Variants in MYH4 observed in about 807,000 individuals in gnomAD.
MYH4 encodes the protein myosin-4.
In MYH4, 200 loss-of-function variants were observed where a neutral mutation model predicts 229.9. That is an observed-to-expected ratio of 0.87 (90% CI 0.78 to 0.98). MYH4 has a LOEUF of 0.98. MYH4 is among the 50% of genes least tolerant of loss of function. The probability of loss-of-function intolerance (pLI) is 0.00; values close to 1 mark genes in which losing one functional copy is unlikely to be tolerated. For missense variants in MYH4, 2,148 were observed against 2,332.6 expected (o/e 0.92, Z 1.63); for synonymous variants, 761 against 834.6 (o/e 0.91, Z 1.52).
Position 10,450,802 on chromosome 17 carries a change from T to G in MYH4, c.3959A>C (p.Lys1320Thr). The G allele has an allele frequency of 6.2e-7, 1 of 1,614,070 alleles. No individual in the cohort carries two copies. The highest frequency in any genetic ancestry group is 8.5e-7 in the Non-Finnish European group (1 of 1,179,912). Residue 1320 changes from lysine (K) to threonine (T), a missense_variant, in exon 29 of 40, where the codon AAG becomes ACG. Coordinates refer to ENST00000255381, the MANE Select transcript of MYH4 (RefSeq NM_017533.2). ...QAFTQQIEEL[K>T]RQLEEETKAK... Reference sequence around the variant, plus strand: ...CTTAGTCTCCTCTTCTAGCTGCCTCTTTAATTCTTCAATCTGTTGTGTAAA... The same window carrying G: ...CTTAGTCTCCTCTTCTAGCTGCCTCGTTAATTCTTCAATCTGTTGTGTAAA...
intron 23 of MYH4, 120 bp downstream of exon 23, chr17:10,453,523 G>T (rs2072601751): frequency 1.9e-6 from 3 of 1,569,190 alleles, no homozygotes; most frequent in African/African-American, 2.8e-5. Context: ...AGACTAAAGA[G>T]ATGAAATAGT....
rs577534095 is a variant in MYH4, at chr17:10,457,484, C to A, written c.1833G>T (p.Leu611=). ...GAGTCTTCATTGCAGACTTCTGGTA[C>A]AGCCCCACCACAGTCTCATTCAGGG... ...KDPLNETVVG[L]YQKSAMKTLA... The change falls in exon 16 of 40, where the codon CTG becomes CTT. Residue 611 remains leucine, a synonymous_variant. Coordinates refer to ENST00000255381, the MANE Select transcript of MYH4 (RefSeq NM_017533.2). 9.9e-6 allele frequency: 16 copies of A among 1,614,144 alleles called. No individual in the cohort carries two copies. Among genetic ancestry groups the A allele is most frequent in the Middle Eastern group, 1.6e-4 (1 of 6,062 alleles).
chr17:10,443,535 C>T lies in MYH4; in HGVS notation c.5668-8G>A. 1 of 1,606,118 alleles carries T rather than the reference C, an allele frequency of 6.2e-7. No homozygotes were observed. Among genetic ancestry groups the T allele is most frequent in the Non-Finnish European group, 8.5e-7 (1 of 1,175,468 alleles). On this transcript the variant is annotated splice_region_variant and splice_polypyrimidine_tract_variant and intron_variant, in intron 39 of 39. Coordinates refer to ENST00000255381, the MANE Select transcript of MYH4 (RefSeq NM_017533.2). This position sits in a 1 kb window ranked among gnomAD's most constrained non-coding sequence, Gnocchi z 4.6. ...GACATTGGATTGTTCCTCCTGAGAA[C>T]AGAGATGCATTTGAGATAACAAGAA...
At chr17:10,463,293 C>T in intron 9 of MYH4, 45 bp downstream of exon 9, 2 of 1,554,408 alleles carry the variant, frequency 1.3e-6, no homozygotes, top group East Asian at 2.2e-5. Flanking sequence ...CTAATATGTA[C>T]CCACAAAGAA....
At position 10,448,916 on chromosome 17, in the gene MYH4, C is replaced by T. The variant is rs139449510; in HGVS notation, c.4313G>A (p.Arg1438Gln). Residue 1438 changes from arginine (R) to glutamine (Q), a missense_variant, in exon 31 of 40, where the codon CGA becomes CAA. By Grantham distance (43) the Arg-to-Gln change is conservative (BLOSUM62 1). Coordinates refer to ENST00000255381, the MANE Select transcript of MYH4 (RefSeq NM_017533.2). Reference sequence around the variant, plus strand: ...GAGAGCTATGCAGGCAGCATTAGATCGTTCCACATCAATCATGAGGTCCTC... The same window carrying T: ...GAGAGCTATGCAGGCAGCATTAGATTGTTCCACATCAATCATGAGGTCCTC... ...EVEDLMIDVERSNAACIALDK... is the reference protein window; with the variant it reads ...EVEDLMIDVEQSNAACIALDK... 3.2e-5 allele frequency: 52 copies of T among 1,614,154 alleles called. No individual in the cohort carries two copies. Among genetic ancestry groups the T allele is most frequent in the African/African-American group, 2.7e-4 (20 of 75,064 alleles).
rs1348321846 is a variant in MYH4, at chr17:10,457,461, G to A, written c.1856C>T (p.Thr619Ile). Residue 619 changes from threonine to isoleucine, a missense_variant, in exon 16 of 40, where the codon ACT becomes ATT. Thr to Ile is a moderately conservative substitution (Grantham distance 89). Transcript: ENST00000255381. The stretch of plus-strand genomic sequence containing the variant: ...TGCCCCAGAGAAGAGGAAAGCCAGA[G>A]TCTTCATTGCAGACTTCTGGTACAG... ...VGLYQKSAMKTLAFLFSGAQT... is the reference protein window; with the variant it reads ...VGLYQKSAMKILAFLFSGAQT... 1 of 1,612,684 alleles carries A rather than the reference G, an allele frequency of 6.2e-7. No individual in the cohort carries two copies. Among genetic ancestry groups the A allele is most frequent in the Non-Finnish European group, 8.5e-7 (1 of 1,178,964 alleles).
At chr17:10,457,363 G>T in intron 16 of MYH4, 57 bp downstream of exon 16, 1 of 1,517,248 alleles carries the variant, frequency 6.6e-7, no homozygotes, top group South Asian at 1.3e-5. Flanking sequence ...TGTCTCTGTT[G>T]AACAGTGTAT....
chr17:10,458,093 T>G (rs1279880974), intron 15 of MYH4, among the ~76,000 whole-genome samples: 1 of 152,154 alleles, frequency 6.6e-6, no homozygotes, highest in Non-Finnish European at 1.5e-5. Flanking sequence ...GTGACAGAAG[T>G]ATGAAGGGAA....
At chr17:10,461,637 G>A (rs1235841783) in intron 11 of MYH4, among the ~76,000 whole-genome samples, 1 of 152,118 alleles carries the variant, frequency 6.6e-6, no homozygotes, top group African/African-American at 2.4e-5. Context: ...CGAGATGCCT[G>A]GGGTAGCAAA....
chr17:10,466,626 C>G lies in MYH4; in HGVS notation c.120G>C (p.Val40=). The G allele has an allele frequency of 6.2e-7, 1 of 1,614,082 alleles. No individual in the cohort carries two copies. The highest frequency in any genetic ancestry group is 8.5e-7 in the Non-Finnish European group (1 of 1,180,026). ...TCACGTAGGACTCCTTAGGGTCCAC[C>G]ACAAAGACTGATGTCTTGGCATCAA... is the stretch of plus-strand genomic sequence containing the variant. The part of the protein sequence containing the change: ...KPFDAKTSVF[V]VDPKESYVKA... The change falls in exon 3 of 40, where the codon GTG becomes GTC. Residue 40 remains valine (V), a synonymous_variant. Coordinates refer to ENST00000255381, the MANE Select transcript of MYH4 (RefSeq NM_017533.2).
chr17:10,459,182 G>A, intron 15 of MYH4, 69 bp downstream of exon 15: 1 of 1,611,324 alleles, frequency 6.2e-7, no homozygotes, highest in South Asian at 1.1e-5. Context: ...AGAACAGGGA[G>A]TGTGATTAAG....
intron 11 of MYH4, among the ~76,000 whole-genome samples, chr17:10,461,659 T>A (rs2072704334): frequency 6.6e-6 from 1 of 152,170 alleles, no homozygotes; most frequent in African/African-American, 2.4e-5. Context: ...TTTACCTAGT[T>A]ATTTATTTCT....
chr17:10,466,207 A>G (rs2072764737), intron 4 of MYH4, 66 bp downstream of exon 4: 10 of 1,567,352 alleles, frequency 6.4e-6, no homozygotes, highest in Non-Finnish European at 8.7e-6. Flanking sequence ...GAAACCCCTT[A>G]ATTTATTTTA....
intron 22 of MYH4, 125 bp from the exon 23 acceptor site, chr17:10,454,010 T>C: frequency 1.5e-6 from 2 of 1,302,398 alleles, no homozygotes; most frequent in East Asian, 2.3e-5. Context: ...TTGCTAACTT[T>C]TAAAATGAAA....
In MYH4 at chr17:10,463,591, C is replaced by A; in HGVS notation, c.701G>T (p.Gly234Val). 1 of 1,613,864 alleles carries A rather than the reference C, an allele frequency of 6.2e-7. No individual in the cohort carries two copies. Among genetic ancestry groups the A allele is most frequent in the Non-Finnish European group, 8.5e-7 (1 of 1,179,804 alleles). ...GTCATTCCTCACGGTCTTGGCATTGCCGAAGGCTTCCAGTAGGGGGTTAGC... is the reference window on the plus strand; with the variant it reads ...GTCATTCCTCACGGTCTTGGCATTGACGAAGGCTTCCAGTAGGGGGTTAGC... ...ISANPLLEAF[G>V]NAKTVRNDNS... Residue 234 changes from glycine (G) to valine (V), a missense_variant, in exon 8 of 40, where the codon GGC (glycine) becomes GTC (valine). Physicochemically the swap from Gly to Val is moderately radical, Grantham distance 109 (BLOSUM62 -3). Transcript: ENST00000255381.
chr17:10,444,526 C>T, intron 39 of MYH4, 78 bp downstream of exon 39: 1 of 1,094,146 alleles, frequency 9.1e-7, no homozygotes, highest in Non-Finnish European at 1.4e-6. Context: ...AGAAAACCCC[C>T]TAAATTCTAT....
Position 10,455,610 on chromosome 17 carries a change from A to T in MYH4, c.2174+4T>A, listed in dbSNP as rs189504955. The T allele has an allele frequency of 7.9e-5, 128 of 1,614,032 alleles. No individual in the cohort carries two copies. In the African/African-American group the frequency reaches 1.5e-3, roughly 19 times the overall value. ...TTGGAAGGGAAAAATAATGAGACACAAACCTCTGTTTGAAGTCTGCATAAA... is the reference window on the plus strand; with the variant it reads ...TTGGAAGGGAAAAATAATGAGACACTAACCTCTGTTTGAAGTCTGCATAAA... On this transcript the variant is annotated splice_donor_region_variant and intron_variant, in intron 19 of 39. Coordinates refer to ENST00000255381, the MANE Select transcript of MYH4 (RefSeq NM_017533.2).
intron 5 of MYH4, among the ~76,000 whole-genome samples, chr17:10,464,969 T>C (rs1168380915): frequency 6.6e-6 from 1 of 152,216 alleles, no homozygotes; most frequent in East Asian, 1.9e-4. Context: ...TCTATCAATA[T>C]CAGATTAATA....
At chr17:10,451,225 G>T in intron 28 of MYH4, 101 bp downstream of exon 28, 1 of 1,375,136 alleles carries the variant, frequency 7.3e-7, no homozygotes, top group Non-Finnish European at 9.9e-7. Flanking sequence ...CATGATAAAT[G>T]AATGTACAGA....
Sources: gnomAD v4.1 joint callset for allele counts (sites outside exome capture counted in the v4.1 genomes callset) on GRCh38, gnomAD v4.1.1 for gene constraint, Gnocchi (gnomAD v3.1) non-coding constraint, MANE v1.5 for transcripts, NCBI Gene and HGNC (gene_info 2026-07-23, HGNC 2026-07-21) for gene names.